The following EAF2 variants were observed in gnomAD, a reference collection of about 807,000 sequenced individuals.
EAF2 encodes ELL associated factor 2, also known as ELL-associated factor 2.
Under a neutral mutation model 29.4 loss-of-function variants are expected in EAF2, and 29 were observed. The observed-to-expected ratio is 0.99, with a 90% CI of 0.73 to 1.35. EAF2 has a LOEUF of 1.35. Among genes scored for constraint, EAF2 ranks in the 40% most tolerant of loss-of-function variants. The pLI, the probability that EAF2 is intolerant of heterozygous loss-of-function variation, is 0.00. For missense variants in EAF2, 292 were observed against 312.0 expected (o/e 0.94, Z 0.48); for synonymous variants, 103 against 102.5 (o/e 1.00, Z -0.03).
At chr3:121,876,930 C>T (rs916632461) in intron 5 of EAF2, among the ~76,000 whole-genome samples, 1 of 151,526 alleles carries the variant, frequency 6.6e-6, no homozygotes, top group African/African-American at 2.4e-5. Flanking sequence ...TAATAAGAAA[C>T]AGATTATCAG....
At chr3:121,864,182 A>G (rs1321375659) in intron 4 of EAF2, among the ~76,000 whole-genome samples, 3 of 152,158 alleles carry the variant, frequency 2.0e-5, no homozygotes, top group Non-Finnish European at 4.4e-5. Flanking sequence ...TCAATGTTGT[A>G]GTAATTGTGG....
At chr3:121,836,754 C>T in intron 1 of EAF2, 4 of 987,622 alleles carry the variant, frequency 4.1e-6, no homozygotes, top group Non-Finnish European at 4.8e-6. Context: ...ATGCCTTTTT[C>T]TCAAATAGTA....
chr3:121,878,995 T>C (rs1247555054), intron 5 of EAF2, among the ~76,000 whole-genome samples: 1 of 152,148 alleles, frequency 6.6e-6, no homozygotes, highest in Non-Finnish European at 1.5e-5. Context: ...CTAATTTACA[T>C]TCCCACAAGC....
intron 2 of EAF2, among the ~76,000 whole-genome samples, 165 bp downstream of exon 2, chr3:121,844,712 A>G (rs1708493934): frequency 6.6e-6 from 1 of 152,228 alleles, no homozygotes; most frequent in Non-Finnish European, 1.5e-5. Flanking sequence ...AAAACTTAAA[A>G]TACTTTAGTC....
chr3:121,851,327 A>C (rs1042077706), intron 2 of EAF2, among the ~76,000 whole-genome samples: 17 of 149,268 alleles, frequency 1.1e-4, no homozygotes, highest in Non-Finnish European at 3.0e-5. Context: ...ACAAATGTGC[A>C]CCACCATGCC....
intron 2 of EAF2, 122 bp from the exon 3 acceptor site, chr3:121,854,565 G>T: frequency 1.4e-6 from 1 of 714,478 alleles, no homozygotes; most frequent in Non-Finnish European, 2.1e-6. Flanking sequence ...GTAAATTTAG[G>T]TAGTTTATGG....
chr3:121,838,174 GA>G (rs1708339662), intron 1 of EAF2, among the ~76,000 whole-genome samples: 1 of 152,112 alleles, frequency 6.6e-6, no homozygotes, highest in African/African-American at 2.4e-5. Context: ...ATACAAAGTA[GA>G]AAATGGTTTT....
chr3:121,862,422 A>C (rs767785087), intron 4 of EAF2, among the ~76,000 whole-genome samples: 1 of 152,022 alleles, frequency 6.6e-6, no homozygotes, highest in Non-Finnish European at 1.5e-5. Flanking sequence ...CATTCATTTG[A>C]TCTTCAATCA....
At chr3:121,871,774 A>G (rs931448219) in intron 4 of EAF2, among the ~76,000 whole-genome samples, 1 of 151,974 alleles carries the variant, frequency 6.6e-6, no homozygotes, top group African/African-American at 2.4e-5. Flanking sequence ...ACTATTTGAC[A>G]TTTGTATCAT....
At chr3:121,850,375 A>G (rs1708610153) in intron 2 of EAF2, among the ~76,000 whole-genome samples, 1 of 145,998 alleles carries the variant, frequency 6.8e-6, no homozygotes, top group South Asian at 2.1e-4. Flanking sequence ...TTACTTTGGG[A>G]GTACTAGTAT....
intron 5 of EAF2, among the ~76,000 whole-genome samples, chr3:121,880,461 T>G (rs1327330920): frequency 4.5e-5 from 4 of 88,942 alleles, no homozygotes; most frequent in Non-Finnish European, 9.6e-5. Flanking sequence ...TTGGGGTGTG[T>G]GTGTGTGTGT....
intron 1 of EAF2, 114 bp downstream of exon 1, chr3:121,835,505 G>C (rs1708250688): frequency 3.2e-6 from 3 of 927,942 alleles, no homozygotes; most frequent in East Asian, 5.3e-5. Flanking sequence ...GGAGACTACG[G>C]GGCGGGGAGG....
chr3:121,859,265 TG>T (rs1708781068), intron 4 of EAF2, among the ~76,000 whole-genome samples: 1 of 152,210 alleles, frequency 6.6e-6, no homozygotes, highest in Non-Finnish European at 1.5e-5. Flanking sequence ...TTGGACAGTA[TG>T]GCCATTTTCA....
chr3:121,844,144 C>T (rs1018476162), intron 1 of EAF2, among the ~76,000 whole-genome samples: 5 of 152,166 alleles, frequency 3.3e-5, no homozygotes, highest in African/African-American at 1.2e-4. Context: ...TGTGAAAACA[C>T]TGACATTATT....
rs146842209 is a variant in EAF2, at chr3:121,868,437, A to G, written c.485-4100A>G. Among the ~76,000 whole-genome samples, 1,251 of 152,146 alleles carry G rather than the reference A, an allele frequency of 8.2e-3. 18 individuals carry two copies. The highest frequency in any genetic ancestry group is 0.057 in the South Asian group (274 of 4,820). ...AACGTGGTGAAACCCCATCCCTACTAAAAATACAAAAATTAGCCAAGCACG... is the reference window on the plus strand; with the variant it reads ...AACGTGGTGAAACCCCATCCCTACTGAAAATACAAAAATTAGCCAAGCACG... On this transcript the variant is annotated intron_variant, in intron 4 of 5. Coordinates refer to ENST00000273668, the MANE Select transcript of EAF2 (RefSeq NM_018456.6).
chr3:121,877,861 A>T (rs1709127776), intron 5 of EAF2, among the ~76,000 whole-genome samples: 1 of 152,062 alleles, frequency 6.6e-6, no homozygotes, highest in East Asian at 1.9e-4. Flanking sequence ...GGTGCACTAC[A>T]GCCTCGAACT....
chr3:121,843,263 C>G (rs1708465930), intron 1 of EAF2, among the ~76,000 whole-genome samples: 1 of 152,054 alleles, frequency 6.6e-6, no homozygotes, highest in African/African-American at 2.4e-5. Context: ...CAGGGCCAGC[C>G]TTTGTTTATT....
chr3:121,841,520 AAAAAAAAAAAAAAAAAAAAAAAAG>A (rs1417433055), intron 1 of EAF2, among the ~76,000 whole-genome samples: 1,058 of 27,606 alleles, frequency 0.038, 52 homozygotes, highest in East Asian at 0.3. Flanking sequence ...AAAAAAAAAA[AAAAAAAAAAAAAAAAAAAAAAAAG>A]AAAGAAAGAA....
chr3:121,879,202 T>G (rs1709150948), intron 5 of EAF2, among the ~76,000 whole-genome samples: 1 of 152,242 alleles, frequency 6.6e-6, no homozygotes, highest in Non-Finnish European at 1.5e-5. Context: ...ATCTATTCAG[T>G]TTATTTGCGC....
Sources: gnomAD v4.1 joint callset for allele counts (sites outside exome capture counted in the v4.1 genomes callset) on GRCh38, gnomAD v4.1.1 for gene constraint, MANE v1.5 for transcripts, NCBI Gene and HGNC (gene_info 2026-07-23, HGNC 2026-07-21) for gene names.